Variants in AKAP13 observed in about 807,000 individuals in gnomAD.
AKAP13 encodes A-kinase anchor protein 13.
AKAP13 carries 80 observed loss-of-function variants against 264.5 expected under a neutral mutation model. The ratio of observed to expected loss-of-function variants is 0.30; its 90% CI spans 0.25 to 0.36. The LOEUF is 0.36. AKAP13 is among the 10% of genes least tolerant of loss of function. AKAP13 has a pLI of 1.00. For synonymous variants in AKAP13, 1,380 were observed against 1,250.2 expected (o/e 1.10, Z -2.19); for missense variants, 3,712 against 3,435.2 (o/e 1.08, Z -2.01).
intron 2 of AKAP13, among the ~76,000 whole-genome samples, chr15:85,516,846 G>GGAC (rs1378738103): frequency 6.6e-6 from 1 of 152,172 alleles, no homozygotes; most frequent in Non-Finnish European, 1.5e-5. Context: ...ACACGCAGCA[G>GGAC]GACACCATTA....
chr15:85,666,424 C>T (rs1486752874), intron 13 of AKAP13, among the ~76,000 whole-genome samples: 1 of 126,496 alleles, frequency 7.9e-6, no homozygotes, highest in African/African-American at 3.1e-5. Context: ...GGATATTAGC[C>T]CTTTGTCAGA....
intron 1 of AKAP13, among the ~76,000 whole-genome samples, chr15:85,432,931 C>T (rs2073086468): frequency 6.6e-6 from 1 of 151,164 alleles, no homozygotes; most frequent in South Asian, 2.1e-4. Context: ...GTGATGGTTA[C>T]AATTTGGAAA....
At chr15:85,619,757 G>C in intron 8 of AKAP13, 1 of 1,044,134 alleles carries the variant, frequency 9.6e-7, no homozygotes, top group Non-Finnish European at 1.2e-6. Context: ...TGCCAGTGAT[G>C]GAAACGGTGT....
intron 17 of AKAP13, among the ~76,000 whole-genome samples, chr15:85,704,196 A>C (rs1179406515): frequency 1.3e-5 from 2 of 152,178 alleles, no homozygotes; most frequent in African/African-American, 4.8e-5. Context: ...TGATCAATGA[A>C]CTGAAGTACT....
chr15:85,671,230 T>C (rs138770972), intron 14 of AKAP13, among the ~76,000 whole-genome samples: 38 of 152,196 alleles, frequency 2.5e-4, no homozygotes, highest in Non-Finnish European at 4.6e-4. Context: ...ACTTCATGAC[T>C]TACTGGAATC....
chr15:85,701,443 G>A, intron 17 of AKAP13, among the ~76,000 whole-genome samples: 1 of 151,630 alleles, frequency 6.6e-6, no homozygotes, highest in East Asian at 1.9e-4. Flanking sequence ...GGTTTTTTTT[G>A]TTTTTTGTTT....
rs1555429952 is a variant in AKAP13, at chr15:85,442,423, A to AAT, written c.-11-43273_-11-43272dup. 1.7e-4 allele frequency among the ~76,000 whole-genome samples: 18 copies of AAT among 105,930 alleles called. 1 individual carries two copies. The highest frequency in any genetic ancestry group is 7.9e-4 in the South Asian group (3 of 3,810). 69.5% of individuals were successfully genotyped at this position (105,930 alleles called of 152,430 possible). A position where few individuals can be genotyped will look rare whatever the true frequency, so the allele number is the denominator to read the frequency against. On this transcript the variant is annotated intron_variant, in intron 1 of 36. Coordinates refer to ENST00000394518, the MANE Select transcript of AKAP13 (RefSeq NM_007200.5). ...AGATTCTGTCTCAAAAAAAAAAAAA[A>AAT]ATATATATATATATAATATAAAATA...
chr15:85,716,500 T>C (rs1393319851), intron 20 of AKAP13, among the ~76,000 whole-genome samples: 1 of 152,210 alleles, frequency 6.6e-6, no homozygotes, highest in Non-Finnish European at 1.5e-5. Context: ...GATAATGATG[T>C]TGCTGACTAT....
At chr15:85,498,224 A>ATATATATATC (rs918992626) in intron 2 of AKAP13, among the ~76,000 whole-genome samples, 2 of 118,888 alleles carry the variant, frequency 1.7e-5, no homozygotes, top group Non-Finnish European at 3.7e-5. Flanking sequence ...ATATATATAT[A>ATATATATATC]TATCACATTG....
At chr15:85,480,564 A>G (rs1408291892) in intron 1 of AKAP13, among the ~76,000 whole-genome samples, 1 of 150,742 alleles carries the variant, frequency 6.6e-6, no homozygotes, top group Non-Finnish European at 1.5e-5. Context: ...TTTATTGTCT[A>G]GAGAATATTG....
chr15:85,613,715 A>ATATATATATATATAGATATATATATAT (rs1421387238), intron 8 of AKAP13, among the ~76,000 whole-genome samples: 1 of 77,114 alleles, frequency 1.3e-5, no homozygotes, highest in Non-Finnish European at 2.9e-5. Context: ...TATATATATT[A>ATATATATATATATAGATATATATATAT]GGAGTGCTGA....
intron 7 of AKAP13, among the ~76,000 whole-genome samples, chr15:85,583,624 G>C (rs773697336): frequency 1.3e-5 from 2 of 152,108 alleles, no homozygotes; most frequent in Non-Finnish European, 2.9e-5. Context: ...TTTTCATTTC[G>C]GTGCTGCGTC....
intron 8 of AKAP13, chr15:85,627,546 T>C (rs2081478472): frequency 6.6e-6 from 1 of 152,204 alleles, no homozygotes; most frequent in South Asian, 2.1e-4. Flanking sequence ...CCAAGTATAG[T>C]ACTGATCTTT....
intron 1 of AKAP13, among the ~76,000 whole-genome samples, chr15:85,473,568 A>G (rs2075044294): frequency 6.6e-6 from 1 of 152,236 alleles, no homozygotes; most frequent in Non-Finnish European, 1.5e-5. Context: ...TAGATTAGTC[A>G]TCGTTAGAAG....
rs35648447 is a variant in AKAP13 at position 85,483,632 on chromosome 15, C to CAAAAAAAAAAA, written c.-11-2069_-11-2059dup. 6.5e-3 allele frequency among the ~76,000 whole-genome samples: 373 copies of CAAAAAAAAAAA among 57,688 alleles called. 2 individuals are homozygous for CAAAAAAAAAAA. The highest frequency in any genetic ancestry group is 9.4e-3 in the Non-Finnish European group (300 of 31,950). The allele number at this position is 57,688 out of a possible 152,430, so 37.8% of individuals were successfully genotyped here. ...TGGGCGACAGAGCGAGACTCCGTCT[C>CAAAAAAAAAAA]AAAAAAAAAAAAAAAAAAACACCAA... is the stretch of plus-strand genomic sequence containing the variant. On this transcript the variant is annotated intron_variant, in intron 1 of 36. Coordinates refer to ENST00000394518, the MANE Select transcript of AKAP13 (RefSeq NM_007200.5).
At chr15:85,427,183 A>G (rs565488804) in intron 1 of AKAP13, among the ~76,000 whole-genome samples, 31 of 151,824 alleles carry the variant, frequency 2.0e-4, no homozygotes, top group African/African-American at 6.3e-4. Context: ...TCTCGATCTC[A>G]TGTCCTTGTG....
chr15:85,662,369 T>C, intron 12 of AKAP13: 2 of 1,613,952 alleles, frequency 1.2e-6, no homozygotes, highest in East Asian at 4.5e-5. Flanking sequence ...TCTGTTTCTG[T>C]CTTTGATGTC....
At position 85,514,097 on chromosome 15, in the gene AKAP13, C is replaced by A. The variant is rs1366848088; in HGVS notation, c.34-7331C>A. Among the ~76,000 whole-genome samples, 4 of 137,652 alleles carry A rather than the reference C, an allele frequency of 2.9e-5. 1 individual carries two copies. The highest frequency in any genetic ancestry group is 1.2e-4 in the African/African-American group (4 of 34,094). The allele number at this position is 137,652 out of a possible 152,430, so 90.3% of individuals were successfully genotyped here. ...GTGTAATATGTATGCTGTTCCTCATCAGAATCTCCCTCTGGATTGAGCATT... is the reference window on the plus strand; with the variant it reads ...GTGTAATATGTATGCTGTTCCTCATAAGAATCTCCCTCTGGATTGAGCATT... On this transcript the variant is annotated intron_variant, in intron 2 of 36. Coordinates refer to ENST00000394518, the MANE Select transcript of AKAP13 (RefSeq NM_007200.5).
At chr15:85,543,327 T>C (rs1318049385) in intron 4 of AKAP13, among the ~76,000 whole-genome samples, 3 of 152,220 alleles carry the variant, frequency 2.0e-5, no homozygotes, top group African/African-American at 4.8e-5. Flanking sequence ...AAAGTAATTA[T>C]ACCATTTATG....
Sources: allele counts gnomAD v4.1 joint callset (sites outside exome capture counted in the v4.1 genomes callset), GRCh38; gene constraint gnomAD v4.1.1; transcripts MANE v1.5; gene names NCBI Gene and HGNC (gene_info 2026-07-23, HGNC 2026-07-21).